The following KDM7A variants were observed in gnomAD, a reference collection of about 807,000 sequenced individuals.
The protein encoded by KDM7A is lysine-specific demethylase 7A.
Under a neutral mutation model 114.8 loss-of-function variants are expected in KDM7A, and 28 were observed. The ratio of observed to expected loss-of-function variants is 0.24; its 90% CI spans 0.18 to 0.33. The LOEUF (loss-of-function observed/expected upper bound fraction) is 0.33, where lower values mean the gene tolerates loss of function less well. Among genes scored for constraint, KDM7A ranks in the 10% least tolerant of loss-of-function variants. The pLI is 1.00. For synonymous variants in KDM7A, 423 were observed against 397.8 expected, an observed-to-expected ratio of 1.06 and a Z score of -0.75; for missense variants, 942 against 1,142.5, an observed-to-expected ratio of 0.82 and a Z score of 2.53.
chr7:140,135,050 AAAC>A (rs200536341), intron 2 of KDM7A, among the ~76,000 whole-genome samples: 37,124 of 149,512 alleles, frequency 0.25, 4,823 homozygotes, highest in Middle Eastern at 0.29. Context: ...AAAAAAAAAA[AAAC>A]AAACTCACAA....
chr7:140,132,125 T>C (rs1002543710), intron 3 of KDM7A, among the ~76,000 whole-genome samples: 1 of 152,210 alleles, frequency 6.6e-6, no homozygotes, highest in Non-Finnish European at 1.5e-5. Context: ...AGGGGAAAGA[T>C]AATTCATTCA....
chr7:140,109,851 A>G (rs940622293), intron 11 of KDM7A, among the ~76,000 whole-genome samples: 4 of 152,184 alleles, frequency 2.6e-5, no homozygotes, highest in Admixed American at 2.0e-4. Context: ...CCCTTATTCA[A>G]TCACTAACTG....
rs370591699 is a variant in KDM7A at position 140,085,182 on chromosome 7, T to A, written c.*5912A>T. On this transcript the variant is annotated 3_prime_UTR_variant, in exon 20 of 20. Transcript: ENST00000397560. ...GGACACACATGTCACACACATTGAC[T>A]GCCTATACAAACAAGACGAGACGCT... 102 of 152,368 alleles carry A rather than the reference T, an allele frequency of 6.7e-4. No individual in the cohort carries two copies. The highest frequency in any genetic ancestry group is 2.3e-3 in the African/African-American group (95 of 41,534). The allele number at this position is 152,368 out of a possible 1,614,324, so 9.4% of individuals were successfully genotyped here. A position where few individuals can be genotyped will look rare whatever the true frequency, so the allele number is the denominator to read the frequency against.
Position 140,091,846 on chromosome 7 carries a change from G to T in KDM7A, c.2689C>A (p.Pro897Thr). The T allele has an allele frequency of 6.2e-7, 1 of 1,612,802 alleles. No homozygotes were observed. Among genetic ancestry groups the T allele is most frequent in the Non-Finnish European group, 8.5e-7 (1 of 1,179,674 alleles). The change falls in exon 19 of 20, where the codon CCG (proline) becomes ACG (threonine). Residue 897 changes from proline to threonine, a missense_variant. Transcript: ENST00000397560. ...FSVPLHPTKR[P>T]ASNPPPISNQ... ...CTGATAGGTGGTGGATTTGATGCCG[G>T]TCTCTTGGTGGGGTGAAGGGGCACC... is the stretch of plus-strand genomic sequence containing the variant.
At chr7:140,142,168 A>G (rs1221326439) in intron 1 of KDM7A, among the ~76,000 whole-genome samples, 1 of 150,748 alleles carries the variant, frequency 6.6e-6, no homozygotes, top group East Asian at 1.9e-4. Flanking sequence ...CATAAAACAC[A>G]AAGTACAAAG....
intron 1 of KDM7A, among the ~76,000 whole-genome samples, chr7:140,174,723 C>T (rs544789193): frequency 1.3e-5 from 2 of 152,256 alleles, no homozygotes; most frequent in South Asian, 4.1e-4. Flanking sequence ...GCCTCAGCCT[C>T]CCAAGTAGCT....
chr7:140,172,522 G>A (rs1158452879), intron 1 of KDM7A, among the ~76,000 whole-genome samples: 2 of 152,090 alleles, frequency 1.3e-5, no homozygotes, highest in South Asian at 2.1e-4. Flanking sequence ...GCGCGGTGGC[G>A]GGTGCCTGTA....
Position 140,171,474 on chromosome 7 carries a change from A to ATATATT in KDM7A, c.194+5264_194+5269dup, listed in dbSNP as rs1000170033. Among the ~76,000 whole-genome samples the ATATATT allele has an allele frequency of 1.1e-4, 16 of 146,754 alleles. No homozygotes were observed. In the East Asian group the frequency reaches 1.2e-3, roughly 11 times the overall value. On this transcript the variant is annotated intron_variant, in intron 1 of 19. Transcript: ENST00000397560. ...CAGAGCAAGATTCGGTCTCAAAAAT[A>ATATATT]TATATTTATATTTATATTTATATAC...
At chr7:140,106,334 G>C (rs1021450886) in intron 11 of KDM7A, among the ~76,000 whole-genome samples, 1 of 152,050 alleles carries the variant, frequency 6.6e-6, no homozygotes, top group African/African-American at 2.4e-5. Context: ...GCTAGCTTTT[G>C]AATGTGTTTG....
In KDM7A at chr7:140,087,039, C is replaced by G. The variant is rs1562941544; in HGVS notation, c.*4055G>C. On this transcript the variant is annotated 3_prime_UTR_variant, in exon 20 of 20. Coordinates refer to ENST00000397560, the MANE Select transcript of KDM7A (RefSeq NM_030647.2). ...ATCTTTTGAAAAAGGCAGAAAGAAT[C>G]TTGTCTGTTGAAGATGTCTGGTGGC... 6.6e-6 allele frequency: 1 copy of G among 152,210 alleles called. No individual in the cohort carries two copies. The highest frequency in any genetic ancestry group is 1.5e-5 in the Non-Finnish European group (1 of 68,034). The allele number at this position is 152,210 out of a possible 1,614,324, so 9.4% of individuals were successfully genotyped here.
intron 11 of KDM7A, among the ~76,000 whole-genome samples, chr7:140,103,116 A>G (rs1432209612): frequency 6.6e-6 from 1 of 151,994 alleles, no homozygotes; most frequent in Non-Finnish European, 1.5e-5. Flanking sequence ...CCACTACACA[A>G]TAATTTCCCA....
intron 1 of KDM7A, among the ~76,000 whole-genome samples, chr7:140,169,010 T>A (rs1247003161): frequency 6.6e-6 from 1 of 152,226 alleles, no homozygotes; most frequent in Non-Finnish European, 1.5e-5. Flanking sequence ...TGTGTGCATG[T>A]GTGCAATTAG....
chr7:140,164,432 C>T (rs1470370551), intron 1 of KDM7A, among the ~76,000 whole-genome samples: 1 of 152,198 alleles, frequency 6.6e-6, no homozygotes, highest in Admixed American at 6.5e-5. Context: ...GTAGCAACCA[C>T]TCTGCCACTC....
chr7:140,147,196 T>C (rs1794348403), intron 1 of KDM7A, among the ~76,000 whole-genome samples: 1 of 152,056 alleles, frequency 6.6e-6, no homozygotes, highest in South Asian at 2.1e-4. Flanking sequence ...CATTGTTTAA[T>C]ACTGAGCAAT....
In KDM7A at chr7:140,176,520, T is replaced by C. The variant is rs1794710550; in HGVS notation, c.194+224A>G. On this transcript the variant is annotated intron_variant, in intron 1 of 19. Transcript: ENST00000397560. The surrounding 1 kb of genome is among the most constrained non-coding windows in gnomAD (Gnocchi z 4.4). ...TTGTTCGTGTTTGTTGTGGCGACTC[T>C]TCGCCCGGGCCAGGCGAGCCCACCG... is the stretch of plus-strand genomic sequence containing the variant. 6.8e-6 allele frequency among the ~76,000 whole-genome samples: 1 copy of C among 146,618 alleles called. No homozygotes were observed. The highest frequency in any genetic ancestry group is 2.0e-4 in the East Asian group (1 of 5,018).
chr7:140,174,851 G>A (rs911157627), intron 1 of KDM7A, among the ~76,000 whole-genome samples: 1 of 152,040 alleles, frequency 6.6e-6, no homozygotes, highest in Non-Finnish European at 1.5e-5. Flanking sequence ...TCTTTACCTC[G>A]TGATCCACCC....
chr7:140,161,528 G>T (rs1233693506), intron 1 of KDM7A, among the ~76,000 whole-genome samples: 9 of 151,436 alleles, frequency 5.9e-5, no homozygotes, highest in Non-Finnish European at 1.3e-4. Context: ...TTTTAGTTTT[G>T]TTTTTTCGTT....
intron 4 of KDM7A, among the ~76,000 whole-genome samples, chr7:140,128,859 C>T (rs1343325861): frequency 6.6e-6 from 1 of 152,108 alleles, no homozygotes; most frequent in East Asian, 1.9e-4. Flanking sequence ...GTAAATATCA[C>T]GAGAATTAAT....
intron 9 of KDM7A, among the ~76,000 whole-genome samples, chr7:140,118,454 C>T (rs1053823832): frequency 6.6e-6 from 1 of 151,608 alleles, no homozygotes; most frequent in African/African-American, 2.4e-5. Context: ...TTTGCTCTGT[C>T]GCCATTGCAT....
Sources: allele counts gnomAD v4.1 joint callset (sites outside exome capture counted in the v4.1 genomes callset), GRCh38; gene constraint gnomAD v4.1.1; non-coding constraint Gnocchi (gnomAD v3.1); transcripts MANE v1.5; gene names NCBI Gene and HGNC (gene_info 2026-07-23, HGNC 2026-07-21).